Variants in PHGDH observed in about 807,000 individuals in gnomAD.
PHGDH encodes phosphoglycerate dehydrogenase.
A neutral mutation model predicts 52.6 loss-of-function variants in PHGDH; 50 were observed. The observed-to-expected ratio is 0.95, with a 90% CI of 0.76 to 1.20. The LOEUF (loss-of-function observed/expected upper bound fraction) is 1.20, where lower values mean the gene tolerates loss of function less well. PHGDH is among the 50% of genes most tolerant of loss of function. The pLI, the probability that PHGDH is intolerant of heterozygous loss-of-function variation, is 0.00. For missense variants in PHGDH, 630 were observed against 684.6 expected (o/e 0.92, Z 0.89); for synonymous variants, 271 against 280.5 (o/e 0.97, Z 0.34).
chr1:119,715,827 G>A (rs993914927), intron 1 of PHGDH: 4 of 152,336 alleles, frequency 2.6e-5, no homozygotes, highest in Non-Finnish European at 5.9e-5. Flanking sequence ...GTGCTGTGTA[G>A]AGAGAGACTT....
intron 11 of PHGDH, 145 bp downstream of exon 11, chr1:119,743,189 A>G: frequency 1.4e-6 from 1 of 732,380 alleles, no homozygotes; most frequent in Non-Finnish European, 2.5e-6. Flanking sequence ...GTCTGATGCC[A>G]GTTTTCAGAA....
At chr1:119,724,181 C>G (rs1314444864) in intron 3 of PHGDH, 1 of 158,024 alleles carries the variant, frequency 6.3e-6, no homozygotes, top group African/African-American at 2.4e-5. Context: ...ACAGGCAATT[C>G]AAGCATTTAT....
At chr1:119,735,202 C>G in intron 6 of PHGDH, 93 bp from the exon 7 acceptor site, 1 of 1,536,268 alleles carries the variant, frequency 6.5e-7, no homozygotes, top group Non-Finnish European at 9.0e-7. Flanking sequence ...TGGGAAAGAG[C>G]TGGCTCAAGG....
rs1263192065 is a variant in PHGDH at position 119,724,133 on chromosome 1, A to G, written c.356+692A>G. Among the ~76,000 whole-genome samples, 3 of 152,244 alleles carry G rather than the reference A, an allele frequency of 2.0e-5. No homozygotes were observed. The East Asian group carries it at 5.8e-4, about 30-fold the overall frequency. The stretch of plus-strand genomic sequence containing the variant: ...CTTGAGTCTCAGTGTGTTGGTTAGT[A>G]ATTTGGCAAAACTGATTGCATGGAG... On this transcript the variant is annotated intron_variant, in intron 3 of 11. Transcript: ENST00000641023.
chr1:119,726,852 CA>C lies in PHGDH; in HGVS notation c.359del (p.Gln120ArgfsTer9). ...CTGAACCTGTGTCTATCCTTGCAGG[CA>C]GATTCCCCAGGCGACGGCTTCGATG... Reference protein sequence around the residue: ...TCGMIMCLARQIPQATASMKD... With the variant: ...TCGMIMCLARXIPQATASMKD... On this transcript the variant is annotated frameshift_variant and splice_region_variant, in exon 4 of 12. Coordinates refer to ENST00000641023, the MANE Select transcript of PHGDH (RefSeq NM_006623.4). LOFTEE classifies it high-confidence loss of function. The C allele has an allele frequency of 6.2e-7, 1 of 1,613,754 alleles. No homozygotes were observed. Among genetic ancestry groups the C allele is most frequent in the Non-Finnish European group, 8.5e-7 (1 of 1,179,742 alleles).
chr1:119,743,976 C>T lies in PHGDH; in HGVS notation c.1538C>T (p.Ser513Phe). The change falls in exon 12 of 12, where the codon TCC becomes TTC. Residue 513 changes from serine to phenylalanine, a missense_variant. Physicochemically the swap from Ser to Phe is radical, Grantham distance 155. Transcript: ENST00000641023. Reference protein sequence around the residue: ...GETWHVMGISSLLPSLEAWKQ... With the variant: ...GETWHVMGISFLLPSLEAWKQ... ...ACCTGGCACGTCATGGGCATCTCCTCCTTGCTGCCCAGCCTGGAAGCGTGG... is the reference window on the plus strand; with the variant it reads ...ACCTGGCACGTCATGGGCATCTCCTTCTTGCTGCCCAGCCTGGAAGCGTGG... The T allele has an allele frequency of 1.2e-6, 2 of 1,613,890 alleles. No individual in the cohort carries two copies. Among genetic ancestry groups the T allele is most frequent in the Non-Finnish European group, 1.7e-6 (2 of 1,179,744 alleles).
chr1:119,727,298 TTGG>T (rs985509721), intron 5 of PHGDH, 196 bp downstream of exon 5: 8 of 617,068 alleles, frequency 1.3e-5, no homozygotes, highest in African/African-American at 1.1e-4. Context: ...CTGGAAATAC[TTGG>T]TGGGGGTCCT....
chr1:119,726,319 A>T (rs587720867), intron 3 of PHGDH, among the ~76,000 whole-genome samples: 1 of 151,968 alleles, frequency 6.6e-6, no homozygotes, highest in African/African-American at 2.4e-5. Flanking sequence ...TTTGGCATCC[A>T]CCCACCCACT....
intron 1 of PHGDH, among the ~76,000 whole-genome samples, chr1:119,719,169 A>G (rs3790708): frequency 0.26 from 39,878 of 152,078 alleles, 7,241 homozygotes; most frequent in African/African-American, 0.52. Flanking sequence ...TGTTGGCCTC[A>G]GCACTGGGGC....
At chr1:119,716,119 A>G (rs1374617762) in intron 1 of PHGDH, among the ~76,000 whole-genome samples, 1 of 152,086 alleles carries the variant, frequency 6.6e-6, no homozygotes, top group African/African-American at 2.4e-5. Flanking sequence ...ATGAGTGGAT[A>G]GAGTGGGTAG....
intron 1 of PHGDH, chr1:119,715,653 G>A (rs1439848406): frequency 2.6e-5 from 4 of 152,174 alleles, no homozygotes; most frequent in Non-Finnish European, 5.9e-5. Flanking sequence ...CCATTGCTGA[G>A]TTAGCAGTTT....
chr1:119,717,503 A>G (rs1048137524), intron 1 of PHGDH, among the ~76,000 whole-genome samples: 29 of 152,006 alleles, frequency 1.9e-4, no homozygotes, highest in Admixed American at 1.4e-3. Context: ...ATCCCCTGAC[A>G]TTTTCTTTTA....
intron 2 of PHGDH, among the ~76,000 whole-genome samples, chr1:119,722,463 T>G (rs1340975146): frequency 1.3e-5 from 2 of 152,172 alleles, no homozygotes; most frequent in East Asian, 3.8e-4. Context: ...GCCACCTCTA[T>G]TTTTTTGTTT....
At chr1:119,718,935 G>A (rs749505670) in intron 1 of PHGDH, among the ~76,000 whole-genome samples, 1 of 152,046 alleles carries the variant, frequency 6.6e-6, no homozygotes, top group African/African-American at 2.4e-5. Context: ...GGTGTAGGGA[G>A]AGTGACAGTT....
chr1:119,722,738 AAAG>A (rs1373544185), intron 2 of PHGDH, among the ~76,000 whole-genome samples: 1 of 151,962 alleles, frequency 6.6e-6, no homozygotes, highest in Non-Finnish European at 1.5e-5. Flanking sequence ...AAAAAAAAAA[AAAG>A]AAGGAAAGAA....
rs943153749 is a variant in PHGDH, at chr1:119,735,294, G to A, written c.644-1G>A. ...CAGGAAGATGCTTCGCTTTCTTCCA[G>A]GCTTGCTGAATGACAACACCTTTGC... On this transcript the variant is annotated splice_acceptor_variant, in intron 6 of 11. Transcript: ENST00000641023. LOFTEE classifies it high-confidence loss of function. 1 of 1,614,106 alleles carries A rather than the reference G, an allele frequency of 6.2e-7. No homozygotes were observed. Among genetic ancestry groups the A allele is most frequent in the Non-Finnish European group, 8.5e-7 (1 of 1,180,054 alleles).
At chr1:119,725,108 AGAGAATCAACAAATGTAG>A in intron 3 of PHGDH, 1 of 414,902 alleles carries the variant, frequency 2.4e-6, no homozygotes, top group Admixed American at 2.7e-5. Context: ...GGAAGGAAGG[AGAGAATCAACAAATGTAG>A]GTTTCACCAT....
chr1:119,741,731 AAC>A lies in PHGDH; in HGVS notation c.1079-34_1079-33del, dbSNP rs587743774. ...CTGCCCCCTCCTGTAGTGCTCAACA[AAC>A]AGTGACCTCATGGTAGCTTCTCTCT... is the stretch of plus-strand genomic sequence containing the variant. On this transcript the variant is annotated intron_variant, in intron 9 of 11. Coordinates refer to ENST00000641023, the MANE Select transcript of PHGDH (RefSeq NM_006623.4). 681 of 1,607,764 alleles carry A rather than the reference AAC, an allele frequency of 4.2e-4. 4 individuals are homozygous for A. The African/African-American group carries it at 7.6e-3, about 18-fold the overall frequency.
chr1:119,729,177 G>A (rs1557973372), intron 5 of PHGDH, among the ~76,000 whole-genome samples: 1 of 152,182 alleles, frequency 6.6e-6, no homozygotes, highest in Admixed American at 6.5e-5. Context: ...TCCTGAGAGA[G>A]GCAGATGTAG....
Sources: gnomAD v4.1 joint callset for allele counts (sites outside exome capture counted in the v4.1 genomes callset) on GRCh38, gnomAD v4.1.1 for gene constraint, MANE v1.5 for transcripts, NCBI Gene and HGNC (gene_info 2026-07-23, HGNC 2026-07-21) for gene names.